RASSF3: variants seen among roughly 807,000 people sequenced by gnomAD.
The protein encoded by RASSF3 is ras association domain-containing protein 3.
RASSF3 carries 19 observed loss-of-function variants against 19.9 expected under a neutral mutation model. That is an observed-to-expected ratio of 0.96 (90% CI 0.67 to 1.40). The LOEUF (loss-of-function observed/expected upper bound fraction) is 1.40, where lower values mean the gene tolerates loss of function less well. RASSF3 is among the 40% of genes most tolerant of loss of function. RASSF3 has a pLI of 0.00. For synonymous variants in RASSF3, 110 were observed against 104.2 expected (o/e 1.06, Z -0.34); for missense variants, 306 against 289.8 (o/e 1.06, Z -0.41).
At chr12:64,606,775 A>T (rs536168333), upstream of RASSF3, among the ~76,000 whole-genome samples, 1 of 152,218 alleles carries the variant, frequency 6.6e-6, no homozygotes, top group African/African-American at 2.4e-5. Context: ...AGATCATAGC[A>T]CTGCACTCCA....
chr12:64,632,933 GA>G (rs960744947), intron 1 of RASSF3, among the ~76,000 whole-genome samples: 1 of 152,058 alleles, frequency 6.6e-6, no homozygotes, highest in Admixed American at 6.5e-5. Context: ...AACTTTCTTA[GA>G]AAAAAAGTCT....
rs572922039 is a variant in RASSF3 at position 64,618,880 on chromosome 12, C to A, written c.111+8137C>A. 7.3e-5 allele frequency among the ~76,000 whole-genome samples: 11 copies of A among 151,702 alleles called. No homozygotes were observed. In the South Asian group the frequency reaches 1.9e-3, roughly 26 times the overall value. On this transcript the variant is annotated intron_variant, in intron 1 of 4. Transcript: ENST00000542104. Reference sequence around the variant, plus strand: ...TTGAGATTGCTGTGAAAAATACACACTGGATTTTGAAGATTAGAAATGTAC... The same window carrying A: ...TTGAGATTGCTGTGAAAAATACACAATGGATTTTGAAGATTAGAAATGTAC...
intron 2 of RASSF3, among the ~76,000 whole-genome samples, chr12:64,559,979 C>T (rs1458136974): frequency 6.6e-6 from 1 of 152,212 alleles, no homozygotes; most frequent in Non-Finnish European, 1.5e-5. Flanking sequence ...GGGGGCAGCT[C>T]CTGAGAGGGC....
At chr12:64,512,589 A>C (rs1373267364) in intron 1 of RASSF3, among the ~76,000 whole-genome samples, 3 of 152,244 alleles carry the variant, frequency 2.0e-5, no homozygotes, top group Non-Finnish European at 2.9e-5. Flanking sequence ...ATTTTCATGC[A>C]CAGAGTTCTT....
At chr12:64,573,730 G>A (rs1869554541) in intron 2 of RASSF3, among the ~76,000 whole-genome samples, 1 of 152,042 alleles carries the variant, frequency 6.6e-6, no homozygotes, top group African/African-American at 2.4e-5. Context: ...CTGGAGGAAG[G>A]GCTGAGAAAG....
intron 1 of RASSF3, among the ~76,000 whole-genome samples, chr12:64,623,110 C>T (rs538895664): frequency 6.4e-4 from 97 of 152,174 alleles, no homozygotes; most frequent in African/African-American, 2.3e-3. Flanking sequence ...CATGAGCCAC[C>T]GCGCCCGGCC....
intron 2 of RASSF3, among the ~76,000 whole-genome samples, chr12:64,555,384 C>T: frequency 6.6e-6 from 1 of 152,176 alleles, no homozygotes; most frequent in Non-Finnish European, 1.5e-5. Flanking sequence ...CAGCTAGAAT[C>T]TTAATGTCTT....
chr12:64,569,427 C>T (rs1869482251), intron 2 of RASSF3, among the ~76,000 whole-genome samples: 1 of 152,208 alleles, frequency 6.6e-6, no homozygotes, highest in South Asian at 2.1e-4. Flanking sequence ...AGTGCACAAA[C>T]TCCACACCTG....
At chr12:64,607,268 G>A (rs374538346), upstream of RASSF3, among the ~76,000 whole-genome samples, 905 of 150,566 alleles carry the variant, frequency 6.0e-3, 10 homozygotes, top group African/African-American at 0.021. Context: ...ACAAAGTGAG[G>A]CCCTGTCTCA....
At chr12:64,570,814 C>T (rs752231447) in intron 2 of RASSF3, among the ~76,000 whole-genome samples, 9 of 152,138 alleles carry the variant, frequency 5.9e-5, no homozygotes, top group Non-Finnish European at 1.3e-4. Flanking sequence ...AGGGTTCTGT[C>T]ATCTCAGCGT....
chr12:64,640,024 C>T (rs1381295117), intron 1 of RASSF3, among the ~76,000 whole-genome samples: 1 of 152,176 alleles, frequency 6.6e-6, no homozygotes, highest in Admixed American at 6.5e-5. Flanking sequence ...AGATAACTGA[C>T]CTGTTTAATT....
At chr12:64,694,207 A>G (rs763066464) in intron 4 of RASSF3, among the ~76,000 whole-genome samples, 1 of 152,096 alleles carries the variant, frequency 6.6e-6, no homozygotes, top group African/African-American at 2.4e-5. Context: ...AGCATTTTAC[A>G]AAGGATGTTC....
chr12:64,631,861 CACCAT>C (rs1171833883), intron 1 of RASSF3, among the ~76,000 whole-genome samples: 1 of 152,140 alleles, frequency 6.6e-6, no homozygotes, highest in Non-Finnish European at 1.5e-5. Context: ...AGGGGAGAGC[CACCAT>C]ACCCGGCCTG....
chr12:64,546,042 G>T (rs187378859), downstream of RASSF3, among the ~76,000 whole-genome samples: 119 of 137,192 alleles, frequency 8.7e-4, no homozygotes, highest in African/African-American at 3.3e-3. Context: ...CTTGCAGTGA[G>T]CTGAGATTAC....
chr12:64,681,962 G>A (rs1873142401), intron 1 of RASSF3, among the ~76,000 whole-genome samples: 1 of 152,126 alleles, frequency 6.6e-6, no homozygotes, highest in South Asian at 2.1e-4. Flanking sequence ...CCGTGATCAC[G>A]CCCCTAAACA....
chr12:64,581,258 C>A (rs1294075391), intron 2 of RASSF3, among the ~76,000 whole-genome samples: 1 of 152,140 alleles, frequency 6.6e-6, no homozygotes, highest in Non-Finnish European at 1.5e-5. Flanking sequence ...GTAGATTCCC[C>A]AGGGTTTGGA....
intron 1 of RASSF3, among the ~76,000 whole-genome samples, chr12:64,641,100 T>A (rs2136182277): frequency 6.6e-6 from 1 of 152,256 alleles, no homozygotes; most frequent in African/African-American, 2.4e-5. Context: ...GACTTAGAGC[T>A]TTAAAACAGG....
rs931226321 is a variant in RASSF3 at position 64,621,578 on chromosome 12, A to G, written c.111+10835A>G. Among the ~76,000 whole-genome samples the G allele has an allele frequency of 4.6e-5, 7 of 152,152 alleles. 1 individual carries two copies. Among genetic ancestry groups the G allele is most frequent in the Admixed American group, 2.6e-4 (4 of 15,274 alleles). On this transcript the variant is annotated intron_variant, in intron 1 of 4. Transcript: ENST00000542104. ...CTGCAACCTCCGCCTCCCAGGTTCAAGTGATTCTCCTGCTTCATCCTCCCA... is the reference window on the plus strand; with the variant it reads ...CTGCAACCTCCGCCTCCCAGGTTCAGGTGATTCTCCTGCTTCATCCTCCCA...
At chr12:64,587,511 A>G (rs1869833117) in intron 2 of RASSF3, among the ~76,000 whole-genome samples, 1 of 152,190 alleles carries the variant, frequency 6.6e-6, no homozygotes, top group South Asian at 2.1e-4. Context: ...TGGCCAGAGT[A>G]TTTCCAAGTG....
Sources: allele counts gnomAD v4.1 joint callset (sites outside exome capture counted in the v4.1 genomes callset), GRCh38; gene constraint gnomAD v4.1.1; transcripts MANE v1.5; gene names NCBI Gene and HGNC (gene_info 2026-07-23, HGNC 2026-07-21).